The following RBM23 variants were observed in gnomAD, a reference collection of about 807,000 sequenced individuals.
RBM23 encodes the protein RNA binding motif protein 23.
Under a neutral mutation model 56.2 loss-of-function variants are expected in RBM23, and 53 were observed. The ratio of observed to expected loss-of-function variants is 0.94; its 90% CI spans 0.76 to 1.19. The LOEUF (loss-of-function observed/expected upper bound fraction) is 1.19. Ranked by LOEUF, RBM23 falls within the 50% of genes most tolerant of loss-of-function variation. The pLI, the probability that RBM23 is intolerant of heterozygous loss-of-function variation, is 0.00. For synonymous variants in RBM23, 197 were observed against 198.5 expected (o/e 0.99, Z 0.06); for missense variants, 642 against 590.3 (o/e 1.09, Z -0.91).
intron 1 of RBM23, among the ~76,000 whole-genome samples, chr14:22,918,081 C>G (rs1046081213): frequency 1.3e-5 from 2 of 152,098 alleles, no homozygotes; most frequent in African/African-American, 4.8e-5. Flanking sequence ...CCACCCTCCC[C>G]ATGTTGTGTA....
At position 22,901,552 on chromosome 14, in the gene RBM23, TG is replaced by T; in HGVS notation, c.*177del. On this transcript the variant is annotated 3_prime_UTR_variant, in exon 14 of 14. Transcript: ENST00000359890. ...TTTGCTCAGCAGAGTCCATTTCCAG[TG>T]GGACCATGGGCAGGAGCTTTTCTTG... 1 of 873,568 alleles carries T rather than the reference TG, an allele frequency of 1.1e-6. No individual in the cohort carries two copies. Among genetic ancestry groups the T allele is most frequent in the Non-Finnish European group, 1.8e-6 (1 of 562,872 alleles). 54.1% of individuals were successfully genotyped at this position (873,568 alleles called of 1,614,324 possible).
At chr14:22,904,039 G>T in intron 10 of RBM23, 1 of 1,482,518 alleles carries the variant, frequency 6.7e-7, no homozygotes, top group Non-Finnish European at 8.9e-7. Context: ...GTGAACTCCT[G>T]AACACCCCCA....
rs2040235723 is a variant in RBM23, at chr14:22,895,587, A to G, written c.*6143T>C. ...GAGGATCACTTAAGCCCAGGAGTTC[A>G]AGACCACCTGGGCAACATAGCAAGA... On this transcript the variant is annotated 3_prime_UTR_variant, in exon 14 of 14. Transcript: ENST00000359890. The G allele has an allele frequency of 6.6e-6, 1 of 152,570 alleles. No homozygotes were observed. The highest frequency in any genetic ancestry group is 2.1e-4 in the South Asian group (1 of 4,836). The allele number at this position is 152,570 out of a possible 1,614,324, so 9.5% of individuals were successfully genotyped here.
chr14:22,902,614 G>C, intron 10 of RBM23: 2 of 1,253,444 alleles, frequency 1.6e-6, no homozygotes, highest in Non-Finnish European at 1.0e-6. Flanking sequence ...GCTCCATTAA[G>C]AATCTAACAA....
chr14:22,900,633 A>T lies in RBM23; in HGVS notation c.*1097T>A, dbSNP rs1282242864. 6.6e-6 allele frequency: 1 copy of T among 152,172 alleles called. No individual in the cohort carries two copies. Among genetic ancestry groups the T allele is most frequent in the Non-Finnish European group, 1.5e-5 (1 of 68,032 alleles). The allele number at this position is 152,172 out of a possible 1,614,324, so 9.4% of individuals were successfully genotyped here. ...TTTTTCTTTCTAAAGGTGGTTAAATAAATAAACACAATGATGTTACTAATG... is the reference window on the plus strand; with the variant it reads ...TTTTTCTTTCTAAAGGTGGTTAAATTAATAAACACAATGATGTTACTAATG... On this transcript the variant is annotated 3_prime_UTR_variant, in exon 14 of 14. Transcript: ENST00000359890.
Position 22,904,148 on chromosome 14 carries a change from G to A in RBM23, c.930+113C>T, listed in dbSNP as rs2041109237. ...GCTAGTCCAAGCTTCAGGCACCAGG[G>A]TTTATGGGTCATTTAGACAGTTCCT... On this transcript the variant is annotated intron_variant, in intron 10 of 13. Transcript: ENST00000359890. The A allele has an allele frequency of 3.2e-6, 5 of 1,585,604 alleles. No individual in the cohort carries two copies. The South Asian group carries it at 3.4e-5, about 11-fold the overall frequency.
Position 22,906,196 on chromosome 14 carries a change from C to A in RBM23, c.400G>T (p.Gly134Cys), listed in dbSNP as rs374664114. The change falls in exon 5 of 14, where the codon GGT becomes TGT. Residue 134 changes from glycine (G) to cysteine (C), a missense_variant and splice_region_variant. Transcript: ENST00000359890. ...GAATCTATTAGCAAAAAGTGATACC[C>A]AGTGGCAAGTGGAGGACTCCTGTAA... is the stretch of plus-strand genomic sequence containing the variant. ...VHYRSPPLAT[G>C]YRYGHSKSPH... The A allele has an allele frequency of 7.4e-5, 120 of 1,613,888 alleles. No individual in the cohort carries two copies. The highest frequency in any genetic ancestry group is 1.0e-4 in the Non-Finnish European group (120 of 1,179,884).
rs1321839241 is a variant in RBM23, at chr14:22,905,329, G to A, written c.573+7C>T. On this transcript the variant is annotated splice_region_variant and intron_variant, in intron 7 of 13. Coordinates refer to ENST00000359890, the MANE Select transcript of RBM23 (RefSeq NM_001077351.2). ...TACTCAGAAGAAAACTAAGGTGGGA[G>A]GGTTACCTTGCCTACAGCAGAGAAA... 1.9e-6 allele frequency: 3 copies of A among 1,614,052 alleles called. No homozygotes were observed. The highest frequency in any genetic ancestry group is 2.5e-6 in the Non-Finnish European group (3 of 1,179,986).
Position 22,904,872 on chromosome 14 carries a change from C to T in RBM23, c.864+3G>A. The T allele has an allele frequency of 6.2e-7, 1 of 1,614,184 alleles. No homozygotes were observed. The highest frequency in any genetic ancestry group is 8.5e-7 in the Non-Finnish European group (1 of 1,180,002). On this transcript the variant is annotated splice_donor_region_variant and intron_variant, in intron 9 of 13. Coordinates refer to ENST00000359890, the MANE Select transcript of RBM23 (RefSeq NM_001077351.2). ...TTCAGAGGTTTCTCTCACTTCTACTCACTTTACCAAAGGGCTCAAAGATGC... is the reference window on the plus strand; with the variant it reads ...TTCAGAGGTTTCTCTCACTTCTACTTACTTTACCAAAGGGCTCAAAGATGC...
Position 22,896,751 on chromosome 14 carries a change from G to A in RBM23, c.*4979C>T, listed in dbSNP as rs2040254813. On this transcript the variant is annotated 3_prime_UTR_variant, in exon 14 of 14. Transcript: ENST00000359890. ...TCTTTCCTTGCACCCACCTTCCCACGTGATCTAAGTTGGTTGGTCTGCTTC... is the reference window on the plus strand; with the variant it reads ...TCTTTCCTTGCACCCACCTTCCCACATGATCTAAGTTGGTTGGTCTGCTTC... 3 of 152,268 alleles carry A rather than the reference G, an allele frequency of 2.0e-5. No individual in the cohort carries two copies. Among genetic ancestry groups the A allele is most frequent in the South Asian group, 2.1e-4 (1 of 4,824 alleles). 9.4% of individuals were successfully genotyped at this position (152,268 alleles called of 1,614,324 possible). A position where few individuals can be genotyped will look rare whatever the true frequency, so the allele number is the denominator to read the frequency against.
rs1226420549 is a variant in RBM23 at position 22,902,222 on chromosome 14, C to T, written c.1091G>A (p.Gly364Asp). 1 of 1,614,210 alleles carries T rather than the reference C, an allele frequency of 6.2e-7. No individual in the cohort carries two copies. Among genetic ancestry groups the T allele is most frequent in the South Asian group, 1.1e-5 (1 of 91,084 alleles). The change falls in exon 11 of 14, where the codon GGT (glycine) becomes GAT (aspartate). Residue 364 changes from glycine to aspartate, a missense_variant. Transcript: ENST00000359890. The part of the protein sequence containing the change: ...GDQELDLGSA[G>D]GRFQLMAKLA... Reference sequence around the variant, plus strand: ...TTTTGCCATGAGCTGAAAACGTCCACCTGCTGATCCCAGATCCAGCTCCTG... The same window carrying T: ...TTTTGCCATGAGCTGAAAACGTCCATCTGCTGATCCCAGATCCAGCTCCTG...
chr14:22,905,318 C>T lies in RBM23; in HGVS notation c.573+18G>A, dbSNP rs1247157898. ...ACAAGCTAAGCTACTCAGAAGAAAA[C>T]TAAGGTGGGAGGGTTACCTTGCCTA... On this transcript the variant is annotated intron_variant, in intron 7 of 13. Coordinates refer to ENST00000359890, the MANE Select transcript of RBM23 (RefSeq NM_001077351.2). 3 of 1,613,892 alleles carry T rather than the reference C, an allele frequency of 1.9e-6. No homozygotes were observed. In the African/African-American group the frequency reaches 4.0e-5, roughly 22 times the overall value.
chr14:22,904,790 C>G, intron 9 of RBM23, 85 bp downstream of exon 9: 1 of 1,573,276 alleles, frequency 6.4e-7, no homozygotes, highest in Non-Finnish European at 8.7e-7. Flanking sequence ...TAATCACGGC[C>G]AGGCACAACA....
rs1331576924 is a variant in RBM23, at chr14:22,895,031, C to T, written c.*6699G>A. 1 of 97,072 alleles carries T rather than the reference C, an allele frequency of 1.0e-5. No individual in the cohort carries two copies. The highest frequency in any genetic ancestry group is 2.1e-5 in the Non-Finnish European group (1 of 48,514). 6.0% of individuals were successfully genotyped at this position (97,072 alleles called of 1,614,324 possible). On this transcript the variant is annotated 3_prime_UTR_variant, in exon 14 of 14. Transcript: ENST00000359890. ...CTCCAGCCTGGGCGACAAAGCAAGA[C>T]TCCATCTCAAAAAAAATTAATTAAT... is the stretch of plus-strand genomic sequence containing the variant.
chr14:22,910,095 G>A (rs1205692584), intron 2 of RBM23, among the ~76,000 whole-genome samples: 1 of 136,832 alleles, frequency 7.3e-6, no homozygotes, highest in Non-Finnish European at 1.5e-5. Flanking sequence ...AAAGGTTGCA[G>A]TAACTGGGAT....
At chr14:22,907,130 C>T (rs1254666479) in intron 4 of RBM23, among the ~76,000 whole-genome samples, 1 of 151,854 alleles carries the variant, frequency 6.6e-6, no homozygotes, top group Admixed American at 6.6e-5. Flanking sequence ...GCCGACGTCG[C>T]GCCACTGCAC....
At chr14:22,906,511 A>T in intron 4 of RBM23, 143 bp from the exon 5 acceptor site, 1 of 958,704 alleles carries the variant, frequency 1.0e-6, no homozygotes, top group South Asian at 1.7e-5. Flanking sequence ...GTAATGTCGT[A>T]ATGTATTACT....
At position 22,902,173 on chromosome 14, in the gene RBM23, C is replaced by T. The variant is rs539921162; in HGVS notation, c.1126+14G>A. On this transcript the variant is annotated intron_variant, in intron 11 of 13. Coordinates refer to ENST00000359890, the MANE Select transcript of RBM23 (RefSeq NM_001077351.2). The stretch of plus-strand genomic sequence containing the variant: ...ATTCAACCCCATAATCTTCACCTTG[C>T]GGAGATATTTTACCTTCTGCCAGTT... 316 of 1,612,462 alleles carry T rather than the reference C, an allele frequency of 2.0e-4. 4 individuals carry two copies. In the South Asian group the frequency reaches 2.5e-3, roughly 13 times the overall value.
chr14:22,908,477 C>T, intron 3 of RBM23, 97 bp from the exon 4 acceptor site: 1 of 1,389,204 alleles, frequency 7.2e-7, no homozygotes. Flanking sequence ...ACTGCAACCT[C>T]CGCCTTCCAG....
Sources: allele counts gnomAD v4.1 joint callset (sites outside exome capture counted in the v4.1 genomes callset), GRCh38; gene constraint gnomAD v4.1.1; transcripts MANE v1.5; gene names NCBI Gene and HGNC (gene_info 2026-07-23, HGNC 2026-07-21).